PPFIA2: variants seen among roughly 807,000 people sequenced by gnomAD.
PPFIA2 encodes the protein liprin-alpha-2.
PPFIA2 carries 46 observed loss-of-function variants against 175.5 expected under a neutral mutation model. The ratio of observed to expected loss-of-function variants is 0.26; its 90% confidence interval spans 0.21 to 0.34. The LOEUF is 0.34. PPFIA2 is among the 10% of genes least tolerant of loss of function. The pLI is 1.00. For synonymous variants in PPFIA2, 568 were observed against 511.4 expected, an observed-to-expected ratio of 1.11 and a Z score of -1.49; for missense variants, 1,179 against 1,506.1, an observed-to-expected ratio of 0.78 and a Z score of 3.60.
intron 4 of PPFIA2, among the ~76,000 whole-genome samples, chr12:81,537,889 G>A (rs1481977828): frequency 1.3e-5 from 2 of 151,798 alleles, no homozygotes; most frequent in African/African-American, 2.4e-5. Context: ...ATATTCCCTA[G>A]ATCAGTGCCT....
At chr12:81,322,859 CATA>C (rs2053962338) in intron 22 of PPFIA2, among the ~76,000 whole-genome samples, 1 of 152,052 alleles carries the variant, frequency 6.6e-6, no homozygotes, top group Admixed American at 6.6e-5. Context: ...TCCTATTTCT[CATA>C]ATAAGACAAT....
chr12:81,553,464 T>C lies in PPFIA2; in HGVS notation c.304-95598A>G, dbSNP rs372144681. 1.9e-4 allele frequency among the ~76,000 whole-genome samples: 29 copies of C among 152,172 alleles called. No homozygotes were observed. The South Asian group carries it at 3.5e-3, about 18-fold the overall frequency. On this transcript the variant is annotated intron_variant, in intron 4 of 32. Coordinates refer to ENST00000549396, the MANE Select transcript of PPFIA2 (RefSeq NM_003625.5). The stretch of plus-strand genomic sequence containing the variant: ...CATTTCTTTGAATCTTAGCAGGCCC[T>C]GTGAGCACTTTAACCCATAGCATGT...
intron 22 of PPFIA2, among the ~76,000 whole-genome samples, chr12:81,316,024 C>A (rs2052266499): frequency 6.6e-6 from 1 of 151,500 alleles, no homozygotes; most frequent in South Asian, 2.1e-4. Flanking sequence ...AGTTAAGCCT[C>A]AAATTAAAAT....
At chr12:81,730,738 T>C (rs1286390137) in intron 3 of PPFIA2, among the ~76,000 whole-genome samples, 1 of 151,628 alleles carries the variant, frequency 6.6e-6, no homozygotes, top group African/African-American at 2.4e-5. Flanking sequence ...ATATGTTAGA[T>C]AACAAATTAG....
intron 4 of PPFIA2, among the ~76,000 whole-genome samples, chr12:81,520,174 T>A (rs530944821): frequency 6.6e-6 from 1 of 152,270 alleles, no homozygotes; most frequent in East Asian, 1.9e-4. Flanking sequence ...CTGCTTTAGG[T>A]GATTCTGGAT....
chr12:81,274,691 A>G (rs2040047336), intron 28 of PPFIA2, among the ~76,000 whole-genome samples: 1 of 152,232 alleles, frequency 6.6e-6, no homozygotes, highest in Non-Finnish European at 1.5e-5. Flanking sequence ...TGATATTCAC[A>G]TGGTCTCTTC....
intron 3 of PPFIA2, among the ~76,000 whole-genome samples, chr12:81,729,476 A>G (rs2080547463): frequency 6.6e-6 from 1 of 151,572 alleles, no homozygotes; most frequent in Non-Finnish European, 1.5e-5. Context: ...TATTGTGAAT[A>G]GTTTCAGATA....
chr12:81,397,885 T>G (rs1405509904), intron 8 of PPFIA2, among the ~76,000 whole-genome samples: 1 of 151,932 alleles, frequency 6.6e-6, no homozygotes. Context: ...TGAACCCTAT[T>G]GTGAACTGTC....
At chr12:81,479,940 T>C (rs2057997429) in intron 4 of PPFIA2, among the ~76,000 whole-genome samples, 1 of 152,112 alleles carries the variant, frequency 6.6e-6, no homozygotes, top group Admixed American at 6.6e-5. Context: ...TTCCTGAATT[T>C]GAATGTTTGG....
At chr12:81,699,554 A>C (rs928454348) in intron 3 of PPFIA2, among the ~76,000 whole-genome samples, 4 of 41,332 alleles carry the variant, frequency 9.7e-5, no homozygotes, top group African/African-American at 1.9e-4. Context: ...TCTCTAAAAC[A>C]AAAAAAAAAT....
intron 4 of PPFIA2, among the ~76,000 whole-genome samples, chr12:81,536,475 T>G (rs1439747625): frequency 6.6e-6 from 1 of 151,260 alleles, no homozygotes; most frequent in Non-Finnish European, 1.5e-5. Flanking sequence ...AGACAAGTAT[T>G]GTTTCCCCAA....
At chr12:81,413,861 C>T (rs2044452480) in intron 7 of PPFIA2, among the ~76,000 whole-genome samples, 1 of 151,700 alleles carries the variant, frequency 6.6e-6, no homozygotes. Flanking sequence ...GTATTCACTT[C>T]ATTTTCCTTT....
At chr12:81,373,287 A>C (rs1012463443) in intron 11 of PPFIA2, among the ~76,000 whole-genome samples, 6 of 151,894 alleles carry the variant, frequency 4.0e-5, no homozygotes, top group African/African-American at 1.4e-4. Context: ...TGCAATTGAA[A>C]AAGATAACTC....
intron 3 of PPFIA2, among the ~76,000 whole-genome samples, chr12:81,748,938 C>A (rs1311825341): frequency 1.4e-5 from 2 of 144,488 alleles, no homozygotes; most frequent in African/African-American, 2.4e-5. Context: ...TATAGAACTT[C>A]ACTTTCATCC....
chr12:81,341,864 G>A (rs578227085), intron 19 of PPFIA2, among the ~76,000 whole-genome samples: 112 of 152,164 alleles, frequency 7.4e-4, no homozygotes, highest in African/African-American at 2.5e-3. Flanking sequence ...CATCTTTTAA[G>A]TAGGGATTTT....
chr12:81,345,213 CA>C (rs1275745657), intron 18 of PPFIA2, among the ~76,000 whole-genome samples: 1 of 151,940 alleles, frequency 6.6e-6, no homozygotes, highest in East Asian at 1.9e-4. Flanking sequence ...CCACAAATGC[CA>C]AAAGCATTTT....
At chr12:81,386,492 C>T (rs1030534393) in intron 8 of PPFIA2, among the ~76,000 whole-genome samples, 6 of 151,330 alleles carry the variant, frequency 4.0e-5, no homozygotes, top group East Asian at 2.0e-4. Context: ...TGTTGTGGCA[C>T]GCACCCATAG....
Position 81,463,413 on chromosome 12 carries a change from T to G in PPFIA2, c.304-5547A>C, listed in dbSNP as rs149499984. 4.6e-3 allele frequency among the ~76,000 whole-genome samples: 707 copies of G among 152,126 alleles called. 10 individuals carry two copies. The highest frequency in any genetic ancestry group is 0.02 in the Admixed American group (301 of 15,252). On this transcript the variant is annotated intron_variant, in intron 4 of 32. Transcript: ENST00000549396. The stretch of plus-strand genomic sequence containing the variant: ...GTCAGTCGCCAACTACTAAGCATAC[T>G]CAACAACTTTTCAGACTATTTTGTT...
At chr12:81,598,957 C>T (rs1334013817) in intron 4 of PPFIA2, among the ~76,000 whole-genome samples, 1 of 151,924 alleles carries the variant, frequency 6.6e-6, no homozygotes, top group Non-Finnish European at 1.5e-5. Context: ...CATATATACA[C>T]ACAAGAATTA....
Sources: allele counts gnomAD v4.1 joint callset (sites outside exome capture counted in the v4.1 genomes callset), GRCh38; gene constraint gnomAD v4.1.1; transcripts MANE v1.5; gene names NCBI Gene and HGNC (gene_info 2026-07-23, HGNC 2026-07-21).